The following KCNG3 variants were observed in gnomAD, a reference collection of about 807,000 sequenced individuals.
KCNG3 encodes the protein voltage-gated potassium channel regulatory subunit KCNG3.
Under a neutral mutation model 29.0 loss-of-function variants are expected in KCNG3, and 15 were observed. The observed-to-expected ratio is 0.52, with a 90% CI of 0.35 to 0.80. The LOEUF (loss-of-function observed/expected upper bound fraction) is 0.80. Ranked by LOEUF, KCNG3 falls within the 30% of genes least tolerant of loss-of-function variation. KCNG3 has a pLI of 0.01. For synonymous variants in KCNG3, 322 were observed against 248.9 expected (o/e 1.29, Z -2.76); for missense variants, 512 against 605.7 (o/e 0.85, Z 1.62).
intron 1 of KCNG3, among the ~76,000 whole-genome samples, chr2:42,475,727 G>C (rs1673407426): frequency 1.3e-5 from 2 of 151,492 alleles, no homozygotes; most frequent in South Asian, 2.1e-4. Flanking sequence ...GTATTAATAG[G>C]ATGCAATTGA....
chr2:42,396,939 C>T, the KCNG3 span, among the ~76,000 whole-genome samples: 23 of 152,078 alleles, frequency 1.5e-4, 1 homozygote, highest in Admixed American at 1.0e-3. Flanking sequence ...AATAAAGCCA[C>T]ACAATGGAGT....
intron 1 of KCNG3, among the ~76,000 whole-genome samples, chr2:42,476,499 A>T (rs75253412): frequency 0.011 from 1,493 of 141,230 alleles, 15 homozygotes; most frequent in Non-Finnish European, 0.015. Context: ...AAAAAAAAAA[A>T]TTTTTGAGAC....
At chr2:42,431,777 C>A in the KCNG3 span, among the ~76,000 whole-genome samples, 1 of 152,170 alleles carries the variant, frequency 6.6e-6, no homozygotes, top group Non-Finnish European at 1.5e-5. Flanking sequence ...GTGGCTTCTG[C>A]CTTTAACCCC....
In KCNG3 at chr2:42,493,649, T is replaced by A; in HGVS notation, c.-148A>T. ...TCGGGGCTCCGCTCCTGCCCTCCGC[T>A]GGCCCGGGGGTCCCTGGGCTCGAGT... On this transcript the variant is annotated 5_prime_UTR_variant, in exon 1 of 2. Coordinates refer to ENST00000306078, the MANE Select transcript of KCNG3 (RefSeq NM_133329.6). The A allele has an allele frequency of 1.7e-6, 1 of 592,322 alleles. No individual in the cohort carries two copies. The highest frequency in any genetic ancestry group is 2.4e-6 in the Non-Finnish European group (1 of 411,048). 36.7% of individuals were successfully genotyped at this position (592,322 alleles called of 1,614,324 possible).
the KCNG3 span, among the ~76,000 whole-genome samples, chr2:42,419,388 C>T: frequency 7.9e-5 from 12 of 151,672 alleles, no homozygotes; most frequent in African/African-American, 2.4e-4. Context: ...CAGGCACCTG[C>T]CACCATGCCC....
Position 42,443,155 on chromosome 2 carries a change from T to C in KCNG3, c.*779A>G, listed in dbSNP as rs1672522361. 6.6e-6 allele frequency: 1 copy of C among 152,174 alleles called. No individual in the cohort carries two copies. Among genetic ancestry groups the C allele is most frequent in the Non-Finnish European group, 1.5e-5 (1 of 68,022 alleles). 9.4% of individuals were successfully genotyped at this position (152,174 alleles called of 1,614,324 possible). On this transcript the variant is annotated 3_prime_UTR_variant, in exon 2 of 2. Coordinates refer to ENST00000306078, the MANE Select transcript of KCNG3 (RefSeq NM_133329.6). ...TATTCTTGTTTGGACATCTAAATAT[T>C]AGGACAGTTATCACCTAGGAACAGC...
At chr2:42,438,986 C>A (rs1160779610), downstream of KCNG3, among the ~76,000 whole-genome samples, 2 of 152,138 alleles carry the variant, frequency 1.3e-5, no homozygotes, top group Non-Finnish European at 2.9e-5. Flanking sequence ...CTTTCCAGAA[C>A]ATTCCATCAA....
At chr2:42,447,712 C>G (rs889183107) in intron 1 of KCNG3, among the ~76,000 whole-genome samples, 6 of 151,068 alleles carry the variant, frequency 4.0e-5, no homozygotes, top group African/African-American at 1.5e-4. Context: ...TTTTTTTATA[C>G]TTTTTATAAA....
At chr2:42,435,685 C>T in the KCNG3 span, among the ~76,000 whole-genome samples, 9 of 152,232 alleles carry the variant, frequency 5.9e-5, no homozygotes, top group African/African-American at 1.9e-4. Context: ...GTCATAATCA[C>T]AGGGAGATAA....
At chr2:42,476,830 A>G (rs890650193) in intron 1 of KCNG3, among the ~76,000 whole-genome samples, 2 of 151,602 alleles carry the variant, frequency 1.3e-5, no homozygotes, top group African/African-American at 4.8e-5. Context: ...TGATAATCAT[A>G]TAACTTTGCA....
chr2:42,484,100 A>G (rs771275333), intron 1 of KCNG3, among the ~76,000 whole-genome samples: 4 of 152,178 alleles, frequency 2.6e-5, no homozygotes, highest in Non-Finnish European at 5.9e-5. Context: ...GAGTTTCAAA[A>G]TGTATCATTA....
chr2:42,451,536 C>T (rs752780441), intron 1 of KCNG3, among the ~76,000 whole-genome samples: 15 of 151,734 alleles, frequency 9.9e-5, no homozygotes, highest in Non-Finnish European at 2.1e-4. Flanking sequence ...ACCAGCCTGG[C>T]CAACATGGTG....
rs189164405 is a variant in KCNG3 at position 42,491,783 on chromosome 2, G to A, written c.665+1054C>T. ...GAATATTATGTAGAAGTAATCCACT[G>A]CAATAGCAAGGCCGCCGTTCCGAAC... On this transcript the variant is annotated intron_variant, in intron 1 of 1. Transcript: ENST00000306078. Among the ~76,000 whole-genome samples the A allele has an allele frequency of 1.6e-3, 240 of 152,290 alleles. 2 individuals carry two copies. The highest frequency in any genetic ancestry group is 7.7e-4 in the East Asian group (4 of 5,192).
At chr2:42,389,013 G>A in the KCNG3 span, among the ~76,000 whole-genome samples, 1 of 152,056 alleles carries the variant, frequency 6.6e-6, no homozygotes. Context: ...TATCTCCCAG[G>A]TTCACGCGAT....
chr2:42,446,914 G>A (rs1672611348), intron 1 of KCNG3, among the ~76,000 whole-genome samples: 1 of 151,888 alleles, frequency 6.6e-6, no homozygotes. Flanking sequence ...GCCAAGGTGG[G>A]AGTATAGCTT....
At chr2:42,405,800 G>A in the KCNG3 span, among the ~76,000 whole-genome samples, 57 of 152,020 alleles carry the variant, frequency 3.7e-4, no homozygotes, top group Non-Finnish European at 6.6e-4. Flanking sequence ...TAGTGATGGC[G>A]TTTCACCATG....
Position 42,493,567 on chromosome 2 carries a change from G to T in KCNG3, c.-66C>A. On this transcript the variant is annotated 5_prime_UTR_variant, in exon 1 of 2. Coordinates refer to ENST00000306078, the MANE Select transcript of KCNG3 (RefSeq NM_133329.6). ...GCAGCCCCCCACCCCAAGCCGCCAC[G>T]CGGGGCCTGCCTGCCCGTGGCTGAC... The T allele has an allele frequency of 7.9e-7, 1 of 1,261,222 alleles. No homozygotes were observed. The highest frequency in any genetic ancestry group is 1.0e-6 in the Non-Finnish European group (1 of 1,004,482). 78.1% of individuals were successfully genotyped at this position (1,261,222 alleles called of 1,614,324 possible).
chr2:42,390,997 G>A, the KCNG3 span, among the ~76,000 whole-genome samples: 1 of 152,192 alleles, frequency 6.6e-6, no homozygotes, highest in African/African-American at 2.4e-5. Flanking sequence ...CCGGAGGAAA[G>A]TGCTGTAGGC....
chr2:42,432,934 T>TAAAAAAAAAAAAAA, the KCNG3 span, among the ~76,000 whole-genome samples: 6 of 132,748 alleles, frequency 4.5e-5, no homozygotes, highest in Non-Finnish European at 8.1e-5. Flanking sequence ...GCTTTTATGA[T>TAAAAAAAAAAAAAA]AAAAAAAAAA....
Sources: allele counts gnomAD v4.1 joint callset (sites outside exome capture counted in the v4.1 genomes callset), GRCh38; gene constraint gnomAD v4.1.1; transcripts MANE v1.5; gene names NCBI Gene and HGNC (gene_info 2026-07-23, HGNC 2026-07-21).